Variants in KCNH7 observed in about 807,000 individuals in gnomAD.
KCNH7 encodes the protein potassium voltage-gated channel subfamily H member 7.
KCNH7 carries 49 observed loss-of-function variants against 120.8 expected under a neutral mutation model. That is an observed-to-expected ratio of 0.41 (90% CI 0.32 to 0.51). The LOEUF is 0.51. Ranked by LOEUF, KCNH7 falls within the 20% of genes least tolerant of loss-of-function variation. The probability of loss-of-function intolerance (pLI) is 0.38; values close to 1 mark genes in which losing one functional copy is unlikely to be tolerated. For missense variants in KCNH7, 1,097 were observed against 1,446.6 expected (o/e 0.76, Z 3.92); for synonymous variants, 547 against 516.1 (o/e 1.06, Z -0.81).
Position 162,719,145 on chromosome 2 carries a change from T to C in KCNH7, c.307+117392A>G, listed in dbSNP as rs191777282. Among the ~76,000 whole-genome samples, 50 of 152,148 alleles carry C rather than the reference T, an allele frequency of 3.3e-4. 1 individual carries two copies. The highest frequency in any genetic ancestry group is 2.3e-3 in the Admixed American group (35 of 15,260). On this transcript the variant is annotated intron_variant, in intron 2 of 15. Coordinates refer to ENST00000332142, the MANE Select transcript of KCNH7 (RefSeq NM_033272.4). ...GTTCCTGGTAGTGACAATGTGTATG[T>C]AGGCCTACTCACTACAATTCCTTCC...
At chr2:162,647,302 T>C (rs2105250900) in intron 2 of KCNH7, among the ~76,000 whole-genome samples, 1 of 152,248 alleles carries the variant, frequency 6.6e-6, no homozygotes, top group East Asian at 1.9e-4. Flanking sequence ...TGTTCCAGTG[T>C]GTTTTGTGGG....
intron 2 of KCNH7, among the ~76,000 whole-genome samples, chr2:162,617,823 T>A (rs72873553): frequency 7.2e-5 from 11 of 152,216 alleles, no homozygotes; most frequent in Non-Finnish European, 1.5e-4. Flanking sequence ...AATTTCTAAA[T>A]AGGGGGAATA....
chr2:162,502,443 G>T (rs1690716800), intron 6 of KCNH7: 1 of 151,982 alleles, frequency 6.6e-6, no homozygotes, highest in African/African-American at 2.4e-5. Flanking sequence ...GAGAAGTAAG[G>T]TTTCCCAGTC....
chr2:162,415,379 G>A (rs1687508952), intron 9 of KCNH7, among the ~76,000 whole-genome samples: 2 of 151,960 alleles, frequency 1.3e-5, no homozygotes, highest in East Asian at 1.9e-4. Flanking sequence ...TTCTTATCAG[G>A]CTATGATAAG....
chr2:162,510,390 G>A (rs1371740956), intron 5 of KCNH7, among the ~76,000 whole-genome samples: 1 of 151,472 alleles, frequency 6.6e-6, no homozygotes, highest in Non-Finnish European at 1.5e-5. Context: ...ACAGATGAAG[G>A]GGAAAAGAAT....
At chr2:162,435,986 A>G (rs1054643597) in intron 7 of KCNH7, among the ~76,000 whole-genome samples, 11 of 152,268 alleles carry the variant, frequency 7.2e-5, no homozygotes, top group African/African-American at 2.6e-4. Context: ...TACTTTCCTA[A>G]TAGAGACAGC....
intron 6 of KCNH7, among the ~76,000 whole-genome samples, chr2:162,454,747 T>C (rs1298567004): frequency 1.3e-5 from 2 of 152,072 alleles, no homozygotes; most frequent in East Asian, 1.9e-4. Context: ...TTGTGTATTG[T>C]TGGTGTACAG....
At chr2:162,467,274 T>A (rs1689339807) in intron 6 of KCNH7, among the ~76,000 whole-genome samples, 1 of 152,230 alleles carries the variant, frequency 6.6e-6, no homozygotes, top group African/African-American at 2.4e-5. Context: ...TAATTCACCA[T>A]GCTTGCTATA....
chr2:162,394,258 A>G (rs1164459696), intron 12 of KCNH7, 131 bp downstream of exon 12: 3 of 656,126 alleles, frequency 4.6e-6, no homozygotes, highest in Non-Finnish European at 8.2e-6. Context: ...GCTACTGAAT[A>G]AAGCAAAGGA....
intron 2 of KCNH7, among the ~76,000 whole-genome samples, chr2:162,611,352 C>G (rs986291399): frequency 1.2e-4 from 19 of 152,178 alleles, no homozygotes; most frequent in Non-Finnish European, 2.2e-4. Context: ...TATTCCGTGA[C>G]ATAAGTAGCC....
intron 2 of KCNH7, among the ~76,000 whole-genome samples, chr2:162,599,776 G>T (rs1694493518): frequency 1.3e-5 from 2 of 151,502 alleles, no homozygotes; most frequent in Non-Finnish European, 1.5e-5. Context: ...AAATTACATT[G>T]TACATTTTAT....
intron 2 of KCNH7, among the ~76,000 whole-genome samples, chr2:162,646,508 G>T (rs75251876): frequency 0.018 from 2,733 of 152,226 alleles, 86 homozygotes; most frequent in African/African-American, 0.061. Flanking sequence ...ATGTTGCATG[G>T]CATAGCTAAG....
At chr2:162,532,756 G>C (rs1466955654) in intron 3 of KCNH7, among the ~76,000 whole-genome samples, 1 of 151,860 alleles carries the variant, frequency 6.6e-6, no homozygotes, top group Non-Finnish European at 1.5e-5. Context: ...AAAGTAAGAA[G>C]TATATACACA....
At chr2:162,460,518 G>A (rs6743403) in intron 6 of KCNH7, among the ~76,000 whole-genome samples, 11,523 of 152,214 alleles carry the variant, frequency 0.076, 1,401 homozygotes, top group African/African-American at 0.26. Flanking sequence ...GAAATACAGA[G>A]ACAGAAACCC....
chr2:162,768,919 G>T (rs190454322), intron 2 of KCNH7: 1 of 152,220 alleles, frequency 6.6e-6, no homozygotes, highest in Non-Finnish European at 1.5e-5. Flanking sequence ...TATAGTAACA[G>T]CTTCTTTTGT....
At chr2:162,564,506 G>C (rs10497226) in intron 2 of KCNH7, among the ~76,000 whole-genome samples, 96,935 of 151,942 alleles carry the variant, frequency 0.64, 32,539 homozygotes, top group African/African-American at 0.85. Flanking sequence ...TCACTAACCC[G>C]TAAAATTGCT....
chr2:162,755,741 A>G (rs540501244), intron 2 of KCNH7, among the ~76,000 whole-genome samples: 48 of 152,342 alleles, frequency 3.2e-4, no homozygotes, highest in Non-Finnish European at 6.0e-4. Flanking sequence ...TAATTATTGA[A>G]TTATGAAAAC....
At chr2:162,722,802 ATTCTTTTT>A (rs1369982013) in intron 2 of KCNH7, among the ~76,000 whole-genome samples, 1 of 78,404 alleles carries the variant, frequency 1.3e-5, no homozygotes, top group Non-Finnish European at 2.3e-5. Context: ...CTTTTCATTC[ATTCTTTTT>A]TTCTTTTTTT....
chr2:162,468,083 T>C lies in KCNH7; in HGVS notation c.1129-21640A>G, dbSNP rs181635999. Among the ~76,000 whole-genome samples the C allele has an allele frequency of 4.8e-3, 726 of 152,254 alleles. 8 individuals carry two copies. The highest frequency in any genetic ancestry group is 0.017 in the African/African-American group (689 of 41,540). On this transcript the variant is annotated intron_variant, in intron 6 of 15. Coordinates refer to ENST00000332142, the MANE Select transcript of KCNH7 (RefSeq NM_033272.4). Reference sequence around the variant, plus strand: ...CCACAGAACTGACTCTGTCAGAGTGTTCAGGTTTTTTTAATGCCCACTTCT... The same window carrying C: ...CCACAGAACTGACTCTGTCAGAGTGCTCAGGTTTTTTTAATGCCCACTTCT...
Sources: allele counts gnomAD v4.1 joint callset (sites outside exome capture counted in the v4.1 genomes callset), GRCh38; gene constraint gnomAD v4.1.1; transcripts MANE v1.5; gene names NCBI Gene and HGNC (gene_info 2026-07-23, HGNC 2026-07-21).